Variants in KDM7A observed in about 807,000 individuals in gnomAD.
KDM7A encodes lysine demethylase 7A.
KDM7A carries 28 observed loss-of-function variants against 114.8 expected under a neutral mutation model. The observed-to-expected ratio is 0.24, with a 90% CI of 0.18 to 0.33. The LOEUF is 0.33. KDM7A is among the 10% of genes least tolerant of loss of function. The pLI, the probability that KDM7A is intolerant of heterozygous loss-of-function variation, is 1.00. For missense variants in KDM7A, 942 were observed against 1,142.5 expected, an observed-to-expected ratio of 0.82 and a Z score of 2.53; for synonymous variants, 423 against 397.8, an observed-to-expected ratio of 1.06 and a Z score of -0.75.
intron 17 of KDM7A, among the ~76,000 whole-genome samples, 164 bp from the exon 18 acceptor site, chr7:140,094,302 C>T (rs529911611): frequency 1.3e-5 from 2 of 152,286 alleles, no homozygotes; most frequent in Admixed American, 6.5e-5. Flanking sequence ...GTCAGGAGTT[C>T]GAGACCAGCC....
At chr7:140,142,084 T>C (rs1425057364) in intron 1 of KDM7A, among the ~76,000 whole-genome samples, 7 of 130,700 alleles carry the variant, frequency 5.4e-5, no homozygotes, top group Non-Finnish European at 1.2e-4. Flanking sequence ...TATATCTTTT[T>C]AAAGGAAGCA....
intron 12 of KDM7A, among the ~76,000 whole-genome samples, chr7:140,100,702 A>G (rs1277574854): frequency 8.9e-5 from 3 of 33,626 alleles, no homozygotes; most frequent in East Asian, 1.8e-3. Flanking sequence ...ATATATATAT[A>G]TATATACACA....
chr7:140,112,409 A>G (rs1293178699), intron 10 of KDM7A, among the ~76,000 whole-genome samples: 1 of 152,220 alleles, frequency 6.6e-6, no homozygotes, highest in African/African-American at 2.4e-5. Flanking sequence ...CAGGAGCTCA[A>G]GACCAGCCTG....
At chr7:140,094,512 A>G (rs1019041055) in intron 17 of KDM7A, among the ~76,000 whole-genome samples, 4 of 152,202 alleles carry the variant, frequency 2.6e-5, no homozygotes, top group South Asian at 2.1e-4. Context: ...CTTGGGGGAA[A>G]AAAAAAAAAG....
intron 1 of KDM7A, among the ~76,000 whole-genome samples, chr7:140,139,438 G>T (rs924190443): frequency 6.6e-6 from 1 of 152,052 alleles, no homozygotes; most frequent in South Asian, 2.1e-4. Flanking sequence ...CAGAAATACT[G>T]CAATTATAAG....
At chr7:140,169,524 G>T (rs185091146) in intron 1 of KDM7A, among the ~76,000 whole-genome samples, 3 of 151,914 alleles carry the variant, frequency 2.0e-5, no homozygotes, top group Non-Finnish European at 4.4e-5. Flanking sequence ...AACTAATGGG[G>T]TTTTTTTGTT....
At position 140,171,831 on chromosome 7, in the gene KDM7A, C is replaced by T. The variant is rs143391458; in HGVS notation, c.194+4913G>A. ...GTTCAACTTTATTATGTGTGAGATC[C>T]ATTCATGTTGTGTGCATCCATAGTG... is the stretch of plus-strand genomic sequence containing the variant. On this transcript the variant is annotated intron_variant, in intron 1 of 19. Coordinates refer to ENST00000397560, the MANE Select transcript of KDM7A (RefSeq NM_030647.2). 1.3e-3 allele frequency among the ~76,000 whole-genome samples: 200 copies of T among 151,824 alleles called. 1 individual carries two copies. The highest frequency in any genetic ancestry group is 2.4e-3 in the Non-Finnish European group (165 of 67,976).
intron 1 of KDM7A, among the ~76,000 whole-genome samples, chr7:140,146,912 T>C (rs1451066663): frequency 6.6e-6 from 1 of 152,154 alleles, no homozygotes; most frequent in Non-Finnish European, 1.5e-5. Context: ...CTCATTTATA[T>C]TCTCTACTCT....
At chr7:140,112,909 T>C (rs1333868195) in intron 10 of KDM7A, among the ~76,000 whole-genome samples, 2 of 152,234 alleles carry the variant, frequency 1.3e-5, no homozygotes, top group African/African-American at 4.8e-5. Context: ...AGCTCATATT[T>C]TCATGAAAAT....
chr7:140,167,770 G>A (rs776494261), intron 1 of KDM7A, among the ~76,000 whole-genome samples: 1 of 151,742 alleles, frequency 6.6e-6, no homozygotes, highest in African/African-American at 2.4e-5. Flanking sequence ...TAATAAATAT[G>A]ACTACATATT....
intron 1 of KDM7A, among the ~76,000 whole-genome samples, chr7:140,140,838 C>T (rs544401499): frequency 1.3e-5 from 2 of 150,744 alleles, no homozygotes; most frequent in East Asian, 3.9e-4. Flanking sequence ...CGAACTGGTA[C>T]AGTAAAATAA....
chr7:140,091,748 G>T, intron 19 of KDM7A, 56 bp downstream of exon 19: 1 of 1,578,136 alleles, frequency 6.3e-7, no homozygotes, highest in South Asian at 1.1e-5. Flanking sequence ...CAACTGCCAT[G>T]ATGACCATCA....
rs1818825382 is a variant in KDM7A, at chr7:140,133,649, T to C, written c.288A>G (p.Lys96=). ...AGTCATGTCTGTGCCAGTTCCTCCT[T>C]TTTTTCACTGGATTTTTAAAAGATT... ...AVLHGSSLMK[K]RRNWHRHDYT... Residue 96 remains lysine (K), a synonymous_variant, in exon 3 of 20, where the codon AAA becomes AAG. Transcript: ENST00000397560. 2 of 1,580,462 alleles carry C rather than the reference T, an allele frequency of 1.3e-6. No individual in the cohort carries two copies. The highest frequency in any genetic ancestry group is 1.7e-6 in the Non-Finnish European group (2 of 1,155,084).
intron 1 of KDM7A, among the ~76,000 whole-genome samples, chr7:140,151,127 G>A (rs1357290454): frequency 1.3e-5 from 2 of 152,088 alleles, no homozygotes; most frequent in South Asian, 2.1e-4. Context: ...CACCGTGCCC[G>A]GCCACAATAA....
intron 1 of KDM7A, among the ~76,000 whole-genome samples, chr7:140,175,314 AGAGG>A (rs1388993625): frequency 6.6e-6 from 1 of 152,216 alleles, no homozygotes; most frequent in Non-Finnish European, 1.5e-5. Flanking sequence ...CTGGACCAGT[AGAGG>A]GAGACTAAGA....
intron 9 of KDM7A, among the ~76,000 whole-genome samples, chr7:140,117,867 A>C (rs1818556913): frequency 6.6e-6 from 1 of 152,232 alleles, no homozygotes; most frequent in South Asian, 2.1e-4. Context: ...TTGTAAAGAA[A>C]GGACCTGTCT....
At position 140,096,701 on chromosome 7, in the gene KDM7A, C is replaced by T; in HGVS notation, c.2228G>A (p.Gly743Glu). 7 of 1,614,140 alleles carry T rather than the reference C, an allele frequency of 4.3e-6. No homozygotes were observed. Among genetic ancestry groups the T allele is most frequent in the Non-Finnish European group, 5.1e-6 (6 of 1,180,024 alleles). The change falls in exon 17 of 20, where the codon GGG becomes GAG. Residue 743 changes from glycine (G) to glutamate (E), a missense_variant. By Grantham distance (98) the Gly-to-Glu change is moderately conservative (BLOSUM62 -2). This residue lies in a region of KDM7A where 512 missense variants were observed against 576.6 expected (regional missense o/e 0.89). Transcript: ENST00000397560. ...EAIQGMLSMA[G>E]LHYSTCLQRQ... is the part of the protein sequence containing the mutation. ...TTGTAAACACGTGGAATAGTGCAACCCTGCCATAGACAGCATGCCCTGAAT... is the reference window on the plus strand; with the variant it reads ...TTGTAAACACGTGGAATAGTGCAACTCTGCCATAGACAGCATGCCCTGAAT...
chr7:140,100,665 T>TATATATATATAC (rs1488940814), intron 12 of KDM7A, among the ~76,000 whole-genome samples: 6 of 40,666 alleles, frequency 1.5e-4, no homozygotes, highest in African/African-American at 3.0e-4. Context: ...AAAAGTTATA[T>TATATATATATAC]ATATATATAT....
rs1585167577 is a variant in KDM7A, at chr7:140,162,639, T to C, written c.194+14105A>G. The stretch of plus-strand genomic sequence containing the variant: ...CTTCTATTTCATTATCAGTGTTCTT[T>C]ACACTTGTCTTTGATCAACAGAACA... On this transcript the variant is annotated intron_variant, in intron 1 of 19. Coordinates refer to ENST00000397560, the MANE Select transcript of KDM7A (RefSeq NM_030647.2). 2.6e-5 allele frequency among the ~76,000 whole-genome samples: 4 copies of C among 152,202 alleles called. No homozygotes were observed. In the East Asian group the frequency reaches 7.7e-4, roughly 29 times the overall value.
Sources: allele counts gnomAD v4.1 joint callset (sites outside exome capture counted in the v4.1 genomes callset), GRCh38; gene constraint gnomAD v4.1.1; regional missense constraint gnomAD v4.1.1; transcripts MANE v1.5; gene names NCBI Gene and HGNC (gene_info 2026-07-23, HGNC 2026-07-21).